ICA1L: variants seen among roughly 807,000 people sequenced by gnomAD.
ICA1L encodes islet cell autoantigen 1-like protein.
Under a neutral mutation model 61.3 loss-of-function variants are expected in ICA1L, and 50 were observed. The observed-to-expected ratio is 0.82, with a 90% CI of 0.65 to 1.03. The LOEUF (loss-of-function observed/expected upper bound fraction) is 1.03, where lower values mean the gene tolerates loss of function less well. Among genes scored for constraint, ICA1L ranks in the 50% least tolerant of loss-of-function variants. The pLI is 0.00. For missense variants in ICA1L, 508 were observed against 556.7 expected, an observed-to-expected ratio of 0.91 and a Z score of 0.88; for synonymous variants, 161 against 191.3, an observed-to-expected ratio of 0.84 and a Z score of 1.31.
intron 1 of ICA1L, among the ~76,000 whole-genome samples, chr2:202,837,008 AT>A (rs1234856087): frequency 6.6e-6 from 1 of 151,270 alleles, no homozygotes; most frequent in East Asian, 2.0e-4. Context: ...AGCCCAGGTA[AT>A]TTTTGTATTT....
intron 1 of ICA1L, chr2:202,844,142 C>T (rs2105874947): frequency 6.6e-6 from 1 of 152,146 alleles, no homozygotes; most frequent in Non-Finnish European, 1.5e-5. Context: ...GGATAAAAAT[C>T]CAGAATTGGA....
At position 202,859,943 on chromosome 2, in the gene ICA1L, T is replaced by C. The variant is rs1381424751; in HGVS notation, c.-8+11676A>G. The stretch of plus-strand genomic sequence containing the variant: ...TTCATAAAGGAAGTAGCCAAGACCC[T>C]GTAAAATTAAGGGAATTTTCTTAAA... On this transcript the variant is annotated intron_variant, in intron 1 of 12. Transcript: ENST00000358299. Among the ~76,000 whole-genome samples, 5 of 152,150 alleles carry C rather than the reference T, an allele frequency of 3.3e-5. No homozygotes were observed. In the East Asian group the frequency reaches 7.7e-4, roughly 23 times the overall value.
chr2:202,810,285 G>A (rs1034726990), intron 9 of ICA1L, among the ~76,000 whole-genome samples: 6 of 152,204 alleles, frequency 3.9e-5, no homozygotes, highest in Admixed American at 1.3e-4. Flanking sequence ...CAGGGACCCC[G>A]AACAGAGGGA....
intron 1 of ICA1L, among the ~76,000 whole-genome samples, chr2:202,864,865 CA>C (rs1687444122): frequency 6.6e-6 from 1 of 151,434 alleles, no homozygotes; most frequent in Admixed American, 6.6e-5. Flanking sequence ...CTAAAAATAC[CA>C]AAATTAGCCA....
At chr2:202,832,344 G>A (rs1694034089) in intron 1 of ICA1L, among the ~76,000 whole-genome samples, 2 of 150,954 alleles carry the variant, frequency 1.3e-5, no homozygotes, top group Admixed American at 6.6e-5. Context: ...AGATATGGGA[G>A]GCTGAGGCAG....
At chr2:202,866,876 G>A (rs1319905803) in intron 1 of ICA1L, among the ~76,000 whole-genome samples, 1 of 152,086 alleles carries the variant, frequency 6.6e-6, no homozygotes, top group Non-Finnish European at 1.5e-5. Flanking sequence ...GAACCTAGGA[G>A]GCAGAGGTTG....
intron 10 of ICA1L, among the ~76,000 whole-genome samples, chr2:202,790,765 T>C (rs1205940136): frequency 6.6e-6 from 1 of 152,038 alleles, no homozygotes; most frequent in African/African-American, 2.4e-5. Flanking sequence ...AAGTGGTGGT[T>C]TCATGAAGAA....
At position 202,829,396 on chromosome 2, in the gene ICA1L, C is replaced by A. The variant is rs535179734; in HGVS notation, c.-7-380G>T. Among the ~76,000 whole-genome samples the A allele has an allele frequency of 3.0e-3, 450 of 152,164 alleles. 3 individuals are homozygous for A. Among genetic ancestry groups the A allele is most frequent in the Non-Finnish European group, 3.8e-3 (261 of 67,984 alleles). ...ACAAACAAAAAAACCAAAAAAAACT[C>A]AATAAATATGTTTAGCTAGCCAATA... is the stretch of plus-strand genomic sequence containing the variant. On this transcript the variant is annotated intron_variant, in intron 1 of 12. Transcript: ENST00000358299.
In ICA1L at chr2:202,819,712, T is replaced by C; in HGVS notation, c.547A>G (p.Lys183Glu). The C allele has an allele frequency of 6.2e-7, 1 of 1,613,626 alleles. No individual in the cohort carries two copies. Among genetic ancestry groups the C allele is most frequent in the Non-Finnish European group, 8.5e-7 (1 of 1,179,510 alleles). Residue 183 changes from lysine (K) to glutamate (E), a missense_variant, in exon 5 of 13, where the codon AAG becomes GAG. Transcript: ENST00000358299. ...LDPDTLKQMEKFRKVQMQVRN... is the reference protein window; with the variant it reads ...LDPDTLKQMEEFRKVQMQVRN... ...ATACGTTTTCATACTTTTCTAAACT[T>C]TTCCATTTGCTTTAAGGTGTCTGGG...
rs1462555700 is a variant in ICA1L, at chr2:202,862,272, C to CCAAAAAAAAAAAAAAAAAAAAAAA, written c.-8+9346_-8+9347insTTTTTTTTTTTTTTTTTTTTTTTG. The stretch of plus-strand genomic sequence containing the variant: ...GCAACACAGTAAGACCTCATTTCTA[C>CCAAAAAAAAAAAAAAAAAAAAAAA]AAAAAAAAAAAAAAAAAAAAAAAAA... On this transcript the variant is annotated intron_variant, in intron 1 of 12. Transcript: ENST00000358299. Among the ~76,000 whole-genome samples, 3 of 62,978 alleles carry CCAAAAAAAAAAAAAAAAAAAAAAA rather than the reference C, an allele frequency of 4.8e-5. 1 individual carries two copies. The highest frequency in any genetic ancestry group is 8.3e-5 in the African/African-American group (1 of 12,064). The allele number at this position is 62,978 out of a possible 152,430, so 41.3% of individuals were successfully genotyped here. A position where few individuals can be genotyped will look rare whatever the true frequency, so the allele number is the denominator to read the frequency against.
intron 8 of ICA1L, among the ~76,000 whole-genome samples, chr2:202,812,874 T>C (rs1451746168): frequency 6.6e-6 from 1 of 152,304 alleles, no homozygotes; most frequent in African/African-American, 2.4e-5. Context: ...ATGCTAAAGA[T>C]ACATGAGAAG....
At chr2:202,823,784 G>T (rs1693761903) in intron 3 of ICA1L, among the ~76,000 whole-genome samples, 2 of 152,012 alleles carry the variant, frequency 1.3e-5, no homozygotes, top group African/African-American at 4.8e-5. Flanking sequence ...TCATTCCTAG[G>T]AATTCAGAGT....
At position 202,817,533 on chromosome 2, in the gene ICA1L, T is replaced by C. The variant is rs1264368135; in HGVS notation, c.569A>G (p.Gln190Arg). ...AAAAGAAGCTTTGCTATTTCTCACTTGCATCTGTACCTGCAATAAAAATGC... is the reference window on the plus strand; with the variant it reads ...AAAAGAAGCTTTGCTATTTCTCACTCGCATCTGTACCTGCAATAAAAATGC... ...QMEKFRKVQM[Q>R]VRNSKASFDK... The change falls in exon 6 of 13, where the codon CAA becomes CGA. Residue 190 changes from glutamine to arginine, a missense_variant. By Grantham distance (43) the Gln-to-Arg change is conservative. Transcript: ENST00000358299. 5.0e-6 allele frequency: 8 copies of C among 1,606,088 alleles called. No individual in the cohort carries two copies. Among genetic ancestry groups the C allele is most frequent in the Non-Finnish European group, 6.8e-6 (8 of 1,174,614 alleles).
At chr2:202,870,238 T>G (rs1392780572) in intron 1 of ICA1L, among the ~76,000 whole-genome samples, 3 of 152,294 alleles carry the variant, frequency 2.0e-5, no homozygotes, top group Middle Eastern at 6.8e-3. Flanking sequence ...GTATAAACTT[T>G]GTTTTATATT....
In ICA1L at chr2:202,815,997, C is replaced by T; in HGVS notation, c.697G>A (p.Gly233Arg). Residue 233 changes from glycine (G) to arginine (R), a missense_variant, in exon 7 of 13, where the codon GGA (glycine) becomes AGA (arginine). Physicochemically the swap from Gly to Arg is moderately radical, Grantham distance 125 (BLOSUM62 -2). Transcript: ENST00000358299. The stretch of plus-strand genomic sequence containing the variant: ...ATTCGAGCTGTTTTCTTCCAGAATC[C>T]AAGCAGTGTTCTCTGCAAAAAAAGA... The part of the protein sequence containing the change: ...SLTTYQRTLL[G>R]FWKKTARMMS... 1 of 1,598,216 alleles carries T rather than the reference C, an allele frequency of 6.3e-7. No homozygotes were observed. Among genetic ancestry groups the T allele is most frequent in the Non-Finnish European group, 8.5e-7 (1 of 1,173,618 alleles).
intron 9 of ICA1L, among the ~76,000 whole-genome samples, chr2:202,805,899 G>A (rs1055678018): frequency 2.0e-5 from 3 of 152,116 alleles, no homozygotes; most frequent in African/African-American, 7.2e-5. Flanking sequence ...GTATTTGTGG[G>A]GTATAGGATC....
chr2:202,822,521 A>G (rs1272035962), intron 3 of ICA1L, among the ~76,000 whole-genome samples: 1 of 152,198 alleles, frequency 6.6e-6, no homozygotes, highest in African/African-American at 2.4e-5. Context: ...ACAGATTGAA[A>G]GCAAACCATG....
chr2:202,779,813 T>TTTTTG (rs978014365), intron 12 of ICA1L, among the ~76,000 whole-genome samples, 165 bp from the exon 13 acceptor site: 2 of 151,552 alleles, frequency 1.3e-5, no homozygotes, highest in African/African-American at 4.9e-5. Context: ...TTTTTTTTTT[T>TTTTTG]TTTTGTTTTC....
intron 12 of ICA1L, among the ~76,000 whole-genome samples, chr2:202,783,008 C>T (rs2105816146): frequency 6.6e-6 from 1 of 152,234 alleles, no homozygotes; most frequent in East Asian, 1.9e-4. Flanking sequence ...GAGGGTTTCC[C>T]CTACTGGCTG....
Sources: gnomAD v4.1 joint callset for allele counts (sites outside exome capture counted in the v4.1 genomes callset) on GRCh38, gnomAD v4.1.1 for gene constraint, MANE v1.5 for transcripts, NCBI Gene and HGNC (gene_info 2026-07-23, HGNC 2026-07-21) for gene names.